The following ADAMTS12 variants were observed in gnomAD, a reference collection of about 807,000 sequenced individuals.
ADAMTS12 encodes the protein A disintegrin and metalloproteinase with thrombospondin motifs 12.
Under a neutral mutation model 167.8 loss-of-function variants are expected in ADAMTS12, and 118 were observed. That is an observed-to-expected ratio of 0.70 (90% CI 0.61 to 0.82). The LOEUF is 0.82. ADAMTS12 is among the 40% of genes least tolerant of loss of function. The probability of loss-of-function intolerance (pLI) is 0.00; values close to 1 mark genes in which losing one functional copy is unlikely to be tolerated. For missense variants in ADAMTS12, 1,916 were observed against 1,998.8 expected (o/e 0.96, Z 0.79); for synonymous variants, 704 against 716.9 (o/e 0.98, Z 0.29).
intron 14 of ADAMTS12, among the ~76,000 whole-genome samples, chr5:33,622,480 TC>T (rs1739384024): frequency 6.6e-6 from 1 of 151,918 alleles, no homozygotes; most frequent in African/African-American, 2.4e-5. Context: ...ATGGTGAAAC[TC>T]CGTCTCTACT....
chr5:33,884,411 C>T (rs62352460), intron 1 of ADAMTS12, among the ~76,000 whole-genome samples: 5,526 of 152,280 alleles, frequency 0.036, 130 homozygotes, highest in Non-Finnish European at 0.054. Flanking sequence ...CACTCCTGGC[C>T]GTGCTTTTGG....
rs1370880021 is a variant in ADAMTS12, at chr5:33,649,081, T to C, written c.1335-115A>G. The C allele has an allele frequency of 3.1e-6, 4 of 1,306,790 alleles. No individual in the cohort carries two copies. In the African/African-American group the frequency reaches 5.9e-5, roughly 19 times the overall value. 80.9% of individuals were successfully genotyped at this position (1,306,790 alleles called of 1,614,324 possible). On this transcript the variant is annotated intron_variant, in intron 8 of 23. Coordinates refer to ENST00000504830, the MANE Select transcript of ADAMTS12 (RefSeq NM_030955.4). Reference sequence around the variant, plus strand: ...CTCTTTGTCCTTTAAGACAACTTTATTTTTTACAAGGCAGAGAACTCTCTA... The same window carrying C: ...CTCTTTGTCCTTTAAGACAACTTTACTTTTTACAAGGCAGAGAACTCTCTA...
intron 11 of ADAMTS12, among the ~76,000 whole-genome samples, chr5:33,640,118 G>C (rs1740384876): frequency 6.6e-6 from 1 of 152,164 alleles, no homozygotes; most frequent in Non-Finnish European, 1.5e-5. Flanking sequence ...CTACAGCAAG[G>C]ATGCAGTCCC....
chr5:33,743,681 C>T (rs1477334837), intron 3 of ADAMTS12, among the ~76,000 whole-genome samples: 1 of 152,172 alleles, frequency 6.6e-6, no homozygotes, highest in East Asian at 1.9e-4. Flanking sequence ...CTTTTTCTAT[C>T]TGCGTCTATC....
At chr5:33,861,832 C>G (rs1048653309) in intron 2 of ADAMTS12, among the ~76,000 whole-genome samples, 1 of 152,216 alleles carries the variant, frequency 6.6e-6, no homozygotes, top group African/African-American at 2.4e-5. Flanking sequence ...AACAGACTCT[C>G]AGACCACACT....
At chr5:33,607,817 T>C (rs577324161) in intron 16 of ADAMTS12, among the ~76,000 whole-genome samples, 1 of 152,308 alleles carries the variant, frequency 6.6e-6, no homozygotes, top group East Asian at 1.9e-4. Context: ...TTGATCACAA[T>C]TCCAGTAAGG....
At position 33,858,829 on chromosome 5, in the gene ADAMTS12, T is replaced by C. The variant is rs183480409; in HGVS notation, c.489+22290A>G. On this transcript the variant is annotated intron_variant, in intron 2 of 23. Transcript: ENST00000504830. ...GGCACCCAGCTCATCTCATTGGGAC[T>C]GGTTAAACAGTGAGTGCAGCCCACA... 3.9e-5 allele frequency among the ~76,000 whole-genome samples: 6 copies of C among 152,068 alleles called. No homozygotes were observed. In the East Asian group the frequency reaches 1.2e-3, roughly 30 times the overall value.
At chr5:33,557,979 T>G (rs1158597796) in intron 20 of ADAMTS12, among the ~76,000 whole-genome samples, 1 of 151,952 alleles carries the variant, frequency 6.6e-6, no homozygotes, top group Non-Finnish European at 1.5e-5. Context: ...GATCTGTCAC[T>G]GTCTCCCATC....
intron 3 of ADAMTS12, among the ~76,000 whole-genome samples, chr5:33,688,064 G>A (rs1742406656): frequency 6.6e-6 from 1 of 152,040 alleles, no homozygotes; most frequent in Non-Finnish European, 1.5e-5. Flanking sequence ...GCAACTAAAG[G>A]GCTAGAAAAA....
intron 2 of ADAMTS12, among the ~76,000 whole-genome samples, chr5:33,806,637 T>C (rs981144966): frequency 6.6e-6 from 1 of 152,166 alleles, no homozygotes; most frequent in African/African-American, 2.4e-5. Context: ...CTTCTTGATA[T>C]GCAAAAACAT....
At chr5:33,594,394 C>T (rs1747808972) in intron 17 of ADAMTS12, among the ~76,000 whole-genome samples, 1 of 152,168 alleles carries the variant, frequency 6.6e-6, no homozygotes, top group African/African-American at 2.4e-5. Context: ...TTCTACTTAG[C>T]TTATTATATC....
chr5:33,639,292 C>T (rs1204877040), intron 11 of ADAMTS12, among the ~76,000 whole-genome samples: 1 of 151,998 alleles, frequency 6.6e-6, no homozygotes, highest in Non-Finnish European at 1.5e-5. Context: ...GAAGAGAGTG[C>T]AAATGAAGGT....
chr5:33,544,719 C>T (rs1744879647), intron 22 of ADAMTS12, among the ~76,000 whole-genome samples: 1 of 152,192 alleles, frequency 6.6e-6, no homozygotes. Flanking sequence ...ACATCTACAA[C>T]CATCTGATCT....
intron 18 of ADAMTS12, among the ~76,000 whole-genome samples, chr5:33,585,408 T>C (rs374602058): frequency 5.9e-5 from 9 of 152,210 alleles, no homozygotes; most frequent in African/African-American, 1.7e-4. Context: ...CTTCAATGTC[T>C]AGAGCCCTTT....
chr5:33,621,767 C>T (rs1739341537), intron 14 of ADAMTS12, among the ~76,000 whole-genome samples: 1 of 152,146 alleles, frequency 6.6e-6, no homozygotes, highest in African/African-American at 2.4e-5. Flanking sequence ...ATGTCTGATC[C>T]CAGGCTTGAG....
intron 1 of ADAMTS12, 33 bp from the exon 2 acceptor site, chr5:33,881,513 G>GA (rs777091158): frequency 6.3e-7 from 1 of 1,593,978 alleles, no homozygotes; most frequent in South Asian, 1.1e-5. Flanking sequence ...AGAACAGTGA[G>GA]GGAGATTGGT....
chr5:33,643,612 C>T, intron 9 of ADAMTS12, 142 bp from the exon 10 acceptor site: 1 of 722,970 alleles, frequency 1.4e-6, no homozygotes. Flanking sequence ...AGAAAGCAAT[C>T]ATTAGAGTTT....
At chr5:33,561,704 C>T (rs1579668479) in intron 19 of ADAMTS12, among the ~76,000 whole-genome samples, 1 of 152,182 alleles carries the variant, frequency 6.6e-6, no homozygotes, top group Non-Finnish European at 1.5e-5. Flanking sequence ...CTGCTTGAAC[C>T]TGGGAATTTG....
chr5:33,660,212 T>A (rs1741207333), intron 6 of ADAMTS12, among the ~76,000 whole-genome samples: 1 of 152,030 alleles, frequency 6.6e-6, no homozygotes, highest in Non-Finnish European at 1.5e-5. Flanking sequence ...AAAGTGACTA[T>A]AAGAAAAAAA....
Sources: gnomAD v4.1 joint callset for allele counts (sites outside exome capture counted in the v4.1 genomes callset) on GRCh38, gnomAD v4.1.1 for gene constraint, MANE v1.5 for transcripts, NCBI Gene and HGNC (gene_info 2026-07-23, HGNC 2026-07-21) for gene names.